Variants in CRTAC1 observed in about 807,000 individuals in gnomAD.
CRTAC1 encodes acidic secreted protein in cartilage.
A neutral mutation model predicts 67.8 loss-of-function variants in CRTAC1; 37 were observed. The observed-to-expected ratio is 0.55, with a 90% confidence interval of 0.42 to 0.72. CRTAC1 has a LOEUF of 0.72. Among genes scored for constraint, CRTAC1 ranks in the 30% least tolerant of loss-of-function variants. The pLI is 0.00. For synonymous variants in CRTAC1, 348 were observed against 371.0 expected, an observed-to-expected ratio of 0.94 and a Z score of 0.71; for missense variants, 780 against 931.6, an observed-to-expected ratio of 0.84 and a Z score of 2.12.
At chr10:97,977,511 T>C (rs1406665668) in intron 2 of CRTAC1, among the ~76,000 whole-genome samples, 1 of 148,138 alleles carries the variant, frequency 6.8e-6, no homozygotes, top group Non-Finnish European at 1.5e-5. Context: ...TGCAATGATG[T>C]TCCTGCTGTT....
Position 97,865,587 on chromosome 10 carries a change from C to G in CRTAC1, c.1947G>C (p.Leu649=), listed in dbSNP as rs1446555803. 2.5e-6 allele frequency: 4 copies of G among 1,613,104 alleles called. No homozygotes were observed. In the African/African-American group the frequency reaches 5.3e-5, roughly 22 times the overall value. ...CGCAGCTCTCCTTAACCACCGACCC[C>G]AGATTGAGATCTCCATCTACGAGGA... ...APVLVDGDLN[L]GSVVKESCEP... Residue 649 remains leucine (L), a synonymous_variant, in exon 15 of 15, where the codon CTG becomes CTC. Transcript: ENST00000370597.
At chr10:97,927,217 A>T (rs1388951242) in intron 3 of CRTAC1, among the ~76,000 whole-genome samples, 1 of 152,072 alleles carries the variant, frequency 6.6e-6, no homozygotes, top group East Asian at 1.9e-4. Context: ...CCTCCTGTCC[A>T]TCCCGAGCAA....
chr10:97,954,773 T>C (rs959379634), intron 2 of CRTAC1, among the ~76,000 whole-genome samples: 1 of 152,160 alleles, frequency 6.6e-6, no homozygotes, highest in Admixed American at 6.5e-5. Context: ...GAAATCAAGG[T>C]ATCAACAAGG....
In CRTAC1 at chr10:98,029,121, A is replaced by C. The variant is rs1313511277; in HGVS notation, c.24+1328T>G. ...AACATTTTCTCAAGAACCATGCTGG[A>C]ACAGCCACCATGTTCCCACTTTTCC... On this transcript the variant is annotated intron_variant, in intron 1 of 14. Coordinates refer to ENST00000370597, the MANE Select transcript of CRTAC1 (RefSeq NM_018058.7). The surrounding 1 kb of genome is among the most constrained non-coding windows in gnomAD (Gnocchi z 4.7). Among the ~76,000 whole-genome samples, 1 of 152,160 alleles carries C rather than the reference A, an allele frequency of 6.6e-6. No homozygotes were observed. The highest frequency in any genetic ancestry group is 6.5e-5 in the Admixed American group (1 of 15,276).
chr10:98,014,622 A>T (rs1296750384), intron 1 of CRTAC1, among the ~76,000 whole-genome samples: 2 of 152,186 alleles, frequency 1.3e-5, no homozygotes, highest in African/African-American at 2.4e-5. Context: ...ACAACAAAAA[A>T]ACTAAACAAC....
intron 11 of CRTAC1, among the ~76,000 whole-genome samples, chr10:97,892,203 TGGCA>T (rs2050385175): frequency 6.6e-6 from 1 of 152,202 alleles, no homozygotes; most frequent in African/African-American, 2.4e-5. Context: ...TCTATTCTCC[TGGCA>T]GGGCAGATTC....
intron 2 of CRTAC1, among the ~76,000 whole-genome samples, chr10:98,000,763 G>A (rs1842672464): frequency 1.3e-5 from 2 of 152,176 alleles, no homozygotes; most frequent in African/African-American, 2.4e-5. Context: ...TTTTTAAAAA[G>A]CAAGAAAGGA....
chr10:97,902,756 TCCTG>T (rs889222397), intron 7 of CRTAC1, among the ~76,000 whole-genome samples: 1 of 152,162 alleles, frequency 6.6e-6, no homozygotes, highest in African/African-American at 2.4e-5. Context: ...GCTCTCGGCC[TCCTG>T]CTGCAGACCC....
intron 2 of CRTAC1, among the ~76,000 whole-genome samples, chr10:98,003,154 C>T (rs961564025): frequency 3.9e-5 from 6 of 152,106 alleles, no homozygotes; most frequent in African/African-American, 9.7e-5. Flanking sequence ...TAGCATATTT[C>T]GTTTATTGTT....
rs531501670 is a variant in CRTAC1, at chr10:98,000,901, A to G, written c.224+10237T>C. On this transcript the variant is annotated intron_variant, in intron 2 of 14. Coordinates refer to ENST00000370597, the MANE Select transcript of CRTAC1 (RefSeq NM_018058.7). ...TGGCAAAAGGACATAGACATGGTCA[A>G]ACACTTGGAGAAACTTAAGCTATAC... 2.6e-5 allele frequency among the ~76,000 whole-genome samples: 4 copies of G among 152,380 alleles called. No homozygotes were observed. The South Asian group carries it at 6.2e-4, about 24-fold the overall frequency.
chr10:97,908,165 CCA>C lies in CRTAC1; in HGVS notation c.716-20_716-19del. ...TCGGCCCCCTAGAAAAGACATCGAC[CCA>C]CAGTGAGTGGCAGAAGCAAGCCCCA... On this transcript the variant is annotated intron_variant, in intron 5 of 14. Transcript: ENST00000370597. 1 of 1,613,314 alleles carries C rather than the reference CCA, an allele frequency of 6.2e-7. No individual in the cohort carries two copies. The highest frequency in any genetic ancestry group is 8.5e-7 in the Non-Finnish European group (1 of 1,179,552).
intron 4 of CRTAC1, among the ~76,000 whole-genome samples, chr10:97,922,661 C>T (rs1361098010): frequency 1.3e-5 from 2 of 152,338 alleles, no homozygotes; most frequent in African/African-American, 4.8e-5. Context: ...CCCCTTCCCA[C>T]TCCGTCTTTC....
chr10:97,915,133 G>T (rs1423671521), intron 5 of CRTAC1, among the ~76,000 whole-genome samples: 1 of 152,216 alleles, frequency 6.6e-6, no homozygotes, highest in Non-Finnish European at 1.5e-5. Context: ...CCCGGGTGGG[G>T]CTGCCTCAAG....
chr10:97,903,382 G>A lies in CRTAC1; in HGVS notation c.996+1287C>T, dbSNP rs531986495. 2.0e-5 allele frequency among the ~76,000 whole-genome samples: 3 copies of A among 151,148 alleles called. No individual in the cohort carries two copies. The South Asian group carries it at 6.4e-4, about 32-fold the overall frequency. On this transcript the variant is annotated intron_variant, in intron 7 of 14. Transcript: ENST00000370597. ...CAAGATCATCCCTGTTGAGAAGCTG[G>A]GTGAGAACAAGAGTAGAATAAAGGT...
Position 97,908,150 on chromosome 10 carries a change from AG to A in CRTAC1, c.716-4del, listed in dbSNP as rs2050640346. Reference sequence around the variant, plus strand: ...GCCCACGCTGACGCCTCGGCCCCCTAGAAAAGACATCGACCCACAGTGAGTG... The same window carrying A: ...GCCCACGCTGACGCCTCGGCCCCCTAAAAAGACATCGACCCACAGTGAGTG... On this transcript the variant is annotated splice_polypyrimidine_tract_variant and splice_region_variant and intron_variant, in intron 5 of 14. Transcript: ENST00000370597. The A allele has an allele frequency of 2.5e-6, 4 of 1,613,962 alleles. No individual in the cohort carries two copies. The highest frequency in any genetic ancestry group is 2.2e-5 in the East Asian group (1 of 44,874).
At chr10:97,990,643 T>A (rs1438765776) in intron 2 of CRTAC1, among the ~76,000 whole-genome samples, 1 of 152,200 alleles carries the variant, frequency 6.6e-6, no homozygotes. Context: ...AAGTAAGAAT[T>A]TCTTTAATCC....
chr10:97,970,850 T>C (rs1015579698), intron 2 of CRTAC1, among the ~76,000 whole-genome samples: 1 of 152,212 alleles, frequency 6.6e-6, no homozygotes, highest in Non-Finnish European at 1.5e-5. Flanking sequence ...CAGTGATTGT[T>C]TGAATGAATC....
chr10:97,908,622 G>A lies in CRTAC1; in HGVS notation c.716-475C>T, dbSNP rs113747488. Among the ~76,000 whole-genome samples the A allele has an allele frequency of 3.7e-4, 57 of 152,318 alleles. 1 individual carries two copies. The highest frequency in any genetic ancestry group is 1.1e-3 in the African/African-American group (44 of 41,560). On this transcript the variant is annotated intron_variant, in intron 5 of 14. Coordinates refer to ENST00000370597, the MANE Select transcript of CRTAC1 (RefSeq NM_018058.7). ...AGGGATAGGTCCCAGCTATAGGTAC[G>A]CAGATGCTTACTTTGCTTTGTTTGA...
chr10:97,999,181 C>T (rs1590277955), intron 2 of CRTAC1, among the ~76,000 whole-genome samples: 1 of 152,266 alleles, frequency 6.6e-6, no homozygotes, highest in Non-Finnish European at 1.5e-5. Flanking sequence ...GGCTGCTGAC[C>T]CAGGACTCCC....
Sources: allele counts gnomAD v4.1 joint callset (sites outside exome capture counted in the v4.1 genomes callset), GRCh38; gene constraint gnomAD v4.1.1; non-coding constraint Gnocchi (gnomAD v3.1); transcripts MANE v1.5; gene names NCBI Gene and HGNC (gene_info 2026-07-23, HGNC 2026-07-21).